The following ZNF490 variants were observed in gnomAD, a reference collection of about 807,000 sequenced individuals.
ZNF490 encodes the protein zinc finger protein 490.
Under a neutral mutation model 17.7 loss-of-function variants are expected in ZNF490, and 11 were observed. The observed-to-expected ratio is 0.62, with a 90% CI of 0.39 to 1.03. The LOEUF (loss-of-function observed/expected upper bound fraction) is 1.03, where lower values mean the gene tolerates loss of function less well. Among genes scored for constraint, ZNF490 ranks in the 50% least tolerant of loss-of-function variants. The pLI is 0.00. For synonymous variants in ZNF490, 222 were observed against 216.1 expected (o/e 1.03, Z -0.24); for missense variants, 542 against 643.4 (o/e 0.84, Z 1.71).
Position 12,581,658 on chromosome 19 carries a change from C to T in ZNF490, c.417G>A (p.Gln139=). Residue 139 remains glutamine, a synonymous_variant, in exon 5 of 5, where the codon CAG becomes CAA. Transcript: ENST00000311437. ...CCAGGTTCGTATTAAGATCAGGAATCTGGCTAGTGCTTTTTCCACATGGAC... is the reference window on the plus strand; with the variant it reads ...CCAGGTTCGTATTAAGATCAGGAATTTGGCTAGTGCTTTTTCCACATGGAC... The part of the protein sequence containing the change: ...EDCPCGKSTS[Q]IPDLNTNLET... 1 of 1,614,136 alleles carries T rather than the reference C, an allele frequency of 6.2e-7. No homozygotes were observed. Among genetic ancestry groups the T allele is most frequent in the South Asian group, 1.1e-5 (1 of 91,086 alleles).
chr19:12,600,347 A>G (rs2022987437), intron 2 of ZNF490, among the ~76,000 whole-genome samples: 1 of 151,978 alleles, frequency 6.6e-6, no homozygotes, highest in African/African-American at 2.4e-5. Flanking sequence ...GCCTGAGCGA[A>G]AGAGCGAGAC....
chr19:12,580,152 G>C lies in ZNF490; in HGVS notation c.*333C>G. On this transcript the variant is annotated 3_prime_UTR_variant, in exon 5 of 5. Transcript: ENST00000311437. ...AACAAACCCCACAAAAGATGGGATG[G>C]ATATAGAATTTTCTTTATAGTTTCT... 1 of 1,046,978 alleles carries C rather than the reference G, an allele frequency of 9.6e-7. No homozygotes were observed. Among genetic ancestry groups the C allele is most frequent in the African/African-American group, 1.7e-5 (1 of 59,706 alleles). 64.9% of individuals were successfully genotyped at this position (1,046,978 alleles called of 1,614,324 possible). A position where few individuals can be genotyped will look rare whatever the true frequency, so the allele number is the denominator to read the frequency against.
intron 2 of ZNF490, among the ~76,000 whole-genome samples, chr19:12,605,983 CA>C (rs2023063823): frequency 6.6e-6 from 1 of 151,924 alleles, no homozygotes; most frequent in African/African-American, 2.4e-5. Flanking sequence ...CGGGTTCAAG[CA>C]ATTATCCTGC....
chr19:12,609,978 C>G (rs1345568084), intron 1 of ZNF490: 1 of 444,922 alleles, frequency 2.2e-6, no homozygotes, highest in Non-Finnish European at 4.5e-6. Context: ...CATAAATCTA[C>G]AAAAATAAAA....
intron 2 of ZNF490, among the ~76,000 whole-genome samples, chr19:12,602,101 C>T (rs1467717077): frequency 3.3e-5 from 5 of 150,178 alleles, no homozygotes; most frequent in South Asian, 4.2e-4. Context: ...CACACACACA[C>T]ACACACACAC....
At position 12,581,050 on chromosome 19, in the gene ZNF490, G is replaced by A; in HGVS notation, c.1025C>T (p.Ala342Val). Residue 342 changes from alanine to valine, a missense_variant, in exon 5 of 5, where the codon GCC becomes GTC. Physicochemically the swap from Ala to Val is moderately conservative, Grantham distance 64 (BLOSUM62 0). Transcript: ENST00000311437. Reference protein sequence around the residue: ...KPFVCRECGRAFFSHSSLRKH... With the variant: ...KPFVCRECGRVFFSHSSLRKH... ...TCGAAGGCTTGAGTGAGAAAAGAAG[G>A]CTCTCCCACATTCCCTACATACAAA... The A allele has an allele frequency of 6.2e-7, 1 of 1,613,928 alleles. No individual in the cohort carries two copies. The highest frequency in any genetic ancestry group is 8.5e-7 in the Non-Finnish European group (1 of 1,179,926).
intron 2 of ZNF490, among the ~76,000 whole-genome samples, chr19:12,599,494 C>T (rs1337402288): frequency 2.6e-5 from 4 of 152,154 alleles, no homozygotes; most frequent in African/African-American, 9.7e-5. Flanking sequence ...GCCTGCTTTA[C>T]AGCTAGGGAA....
chr19:12,581,538 A>C lies in ZNF490; in HGVS notation c.537T>G (p.Thr179=). ...CGTGACACTCATTTGGTTTCTGTTC[A>C]GTGTGAGATCTCATGTGCCTATTAA... ...VSLNRHMRSH[T]EQKPNECHEY... Residue 179 remains threonine (T), a synonymous_variant, in exon 5 of 5, where the codon ACT becomes ACG. Transcript: ENST00000311437. 3 of 1,614,126 alleles carry C rather than the reference A, an allele frequency of 1.9e-6. No homozygotes were observed. Among genetic ancestry groups the C allele is most frequent in the Non-Finnish European group, 2.5e-6 (3 of 1,180,020 alleles).
Position 12,578,302 on chromosome 19 carries a change from G to A in ZNF490, c.*2183C>T. 1 of 985,656 alleles carries A rather than the reference G, an allele frequency of 1.0e-6. No individual in the cohort carries two copies. The highest frequency in any genetic ancestry group is 1.7e-5 in the African/African-American group (1 of 57,374). 61.1% of individuals were successfully genotyped at this position (985,656 alleles called of 1,614,324 possible). ...AGTGTCCTACAGCTAAGACATGGCA[G>A]AGTGTGTCTGTGACTCCACTAGCAG... On this transcript the variant is annotated 3_prime_UTR_variant, in exon 5 of 5. Coordinates refer to ENST00000311437, the MANE Select transcript of ZNF490 (RefSeq NM_020714.3).
intron 2 of ZNF490, among the ~76,000 whole-genome samples, chr19:12,594,119 A>G (rs2022904366): frequency 6.6e-6 from 1 of 152,164 alleles, no homozygotes; most frequent in South Asian, 2.1e-4. Context: ...AGCCCTATGG[A>G]CAACTTATGG....
chr19:12,602,261 C>A (rs1413058641), intron 2 of ZNF490, among the ~76,000 whole-genome samples: 1 of 151,818 alleles, frequency 6.6e-6, no homozygotes, highest in East Asian at 2.0e-4. Context: ...TATCAGAAAA[C>A]CTTTGGCTGG....
chr19:12,597,014 T>TC (rs1238995176), intron 2 of ZNF490: 1 of 421,692 alleles, frequency 2.4e-6, no homozygotes, highest in Non-Finnish European at 4.8e-6. Context: ...ACGCCTGAGG[T>TC]CCCAGCTGCC....
intron 2 of ZNF490, chr19:12,597,347 G>T: frequency 5.9e-6 from 2 of 336,574 alleles, no homozygotes; most frequent in South Asian, 4.6e-5. Context: ...GATGCTGACT[G>T]GACAGTTTGT....
At chr19:12,596,806 AT>A (rs942993165) in intron 2 of ZNF490, among the ~76,000 whole-genome samples, 2 of 152,116 alleles carry the variant, frequency 1.3e-5, no homozygotes, top group African/African-American at 4.8e-5. Flanking sequence ...TGCAAAAAAA[AT>A]GTTCCCTCCT....
chr19:12,588,880 T>C (rs1029015416), intron 2 of ZNF490, among the ~76,000 whole-genome samples: 1 of 152,192 alleles, frequency 6.6e-6, no homozygotes, highest in African/African-American at 2.4e-5. Flanking sequence ...TCTCAAGATA[T>C]TAAAAATTAT....
At chr19:12,610,452 G>A in intron 1 of ZNF490, 112 bp downstream of exon 1, 3 of 919,076 alleles carry the variant, frequency 3.3e-6, no homozygotes, top group South Asian at 2.7e-5. Flanking sequence ...TATGGTCAAA[G>A]ATTAAAATGC....
chr19:12,610,287 C>T (rs2023130803), intron 1 of ZNF490, among the ~76,000 whole-genome samples: 1 of 148,454 alleles, frequency 6.7e-6, no homozygotes, highest in Non-Finnish European at 1.5e-5. Context: ...GATCCACCCG[C>T]CTCAGCCCAC....
intron 2 of ZNF490, among the ~76,000 whole-genome samples, chr19:12,604,904 A>T (rs944651983): frequency 6.6e-6 from 1 of 152,122 alleles, no homozygotes; most frequent in African/African-American, 2.4e-5. Flanking sequence ...CTGTAATGCC[A>T]GCACTTTGGG....
At chr19:12,593,374 A>G (rs1168364961) in intron 2 of ZNF490, among the ~76,000 whole-genome samples, 1 of 151,850 alleles carries the variant, frequency 6.6e-6, no homozygotes, top group Non-Finnish European at 1.5e-5. Flanking sequence ...CAGCCTCCTG[A>G]GTAGCTGGGA....
Sources: allele counts gnomAD v4.1 joint callset (sites outside exome capture counted in the v4.1 genomes callset), GRCh38; gene constraint gnomAD v4.1.1; transcripts MANE v1.5; gene names NCBI Gene and HGNC (gene_info 2026-07-23, HGNC 2026-07-21).